Variants in GALNT17 observed in about 807,000 individuals in gnomAD.
GALNT17 encodes the protein UDP-GalNAc:polypeptide N-acetylgalactosaminyltransferase-like 3.
GALNT17 carries 29 observed loss-of-function variants against 63.7 expected under a neutral mutation model. The observed-to-expected ratio is 0.46, with a 90% CI of 0.34 to 0.62. The LOEUF is 0.62. GALNT17 is among the 20% of genes least tolerant of loss of function. The probability of loss-of-function intolerance (pLI) is 0.01; values close to 1 mark genes in which losing one functional copy is unlikely to be tolerated. For synonymous variants in GALNT17, 305 were observed against 318.3 expected, an observed-to-expected ratio of 0.96 and a Z score of 0.45; for missense variants, 603 against 799.6, an observed-to-expected ratio of 0.75 and a Z score of 2.97.
At chr7:71,173,020 T>G (rs1335106207) in intron 1 of GALNT17, among the ~76,000 whole-genome samples, 1 of 152,140 alleles carries the variant, frequency 6.6e-6, no homozygotes, top group Non-Finnish European at 1.5e-5. Flanking sequence ...CTCCTGTATA[T>G]TTATTGCTAT....
At chr7:71,327,460 C>T (rs1038246806) in intron 1 of GALNT17, among the ~76,000 whole-genome samples, 1 of 152,154 alleles carries the variant, frequency 6.6e-6, no homozygotes, top group African/African-American at 2.4e-5. Flanking sequence ...CCCCGTGATT[C>T]AGTTATCTCC....
chr7:71,305,620 A>G (rs2115905382), intron 1 of GALNT17, among the ~76,000 whole-genome samples: 1 of 152,226 alleles, frequency 6.6e-6, no homozygotes, highest in East Asian at 1.9e-4. Context: ...GTGTTATGAC[A>G]ACGGTGAGGG....
chr7:71,461,350 C>T (rs1787447718), intron 5 of GALNT17, among the ~76,000 whole-genome samples: 1 of 152,112 alleles, frequency 6.6e-6, no homozygotes, highest in African/African-American at 2.4e-5. Context: ...TAGGAAAGGG[C>T]CTTTCATTTC....
intron 6 of GALNT17, among the ~76,000 whole-genome samples, chr7:71,574,385 G>C (rs1472901693): frequency 2.0e-5 from 3 of 152,126 alleles, no homozygotes; most frequent in Non-Finnish European, 4.4e-5. Flanking sequence ...CTTTATTAAA[G>C]TGTCACTTGC....
chr7:71,420,821 G>C (rs1031312039), intron 4 of GALNT17, 87 bp from the exon 5 acceptor site: 15 of 1,509,496 alleles, frequency 9.9e-6, no homozygotes, highest in African/African-American at 4.1e-5. Context: ...GCCTTAAGTA[G>C]CTAAATGCTG....
chr7:71,253,383 G>A lies in GALNT17; in HGVS notation c.239-82167G>A, dbSNP rs146688759. 7.2e-5 allele frequency among the ~76,000 whole-genome samples: 11 copies of A among 152,274 alleles called. No homozygotes were observed. The East Asian group carries it at 2.1e-3, about 29-fold the overall frequency. On this transcript the variant is annotated intron_variant, in intron 1 of 10. Transcript: ENST00000333538. Reference sequence around the variant, plus strand: ...AGGCTTATTCACTACCATGAGAACAGTATGGGGGGAACTGCCCCCATGATT... The same window carrying A: ...AGGCTTATTCACTACCATGAGAACAATATGGGGGGAACTGCCCCCATGATT...
At chr7:71,549,614 A>G (rs1003414365) in intron 5 of GALNT17, among the ~76,000 whole-genome samples, 7 of 152,150 alleles carry the variant, frequency 4.6e-5, no homozygotes, top group African/African-American at 1.7e-4. Flanking sequence ...ATATATTACA[A>G]TATACATTAA....
At chr7:71,266,517 A>G (rs1354733768) in intron 1 of GALNT17, among the ~76,000 whole-genome samples, 1 of 152,122 alleles carries the variant, frequency 6.6e-6, no homozygotes, top group Non-Finnish European at 1.5e-5. Context: ...TTCTGCAGTC[A>G]TGCTTTCTGT....
chr7:71,588,437 C>A (rs964290813), intron 6 of GALNT17, among the ~76,000 whole-genome samples: 3 of 152,098 alleles, frequency 2.0e-5, no homozygotes, highest in Non-Finnish European at 4.4e-5. Context: ...AATTATTTGA[C>A]ATAATTTTCT....
intron 5 of GALNT17, among the ~76,000 whole-genome samples, chr7:71,467,296 A>G (rs905091918): frequency 3.3e-5 from 5 of 152,174 alleles, no homozygotes; most frequent in Non-Finnish European, 5.9e-5. Flanking sequence ...GCCAGGCCAC[A>G]TGTCTCTGTT....
chr7:71,263,698 C>A (rs776852188), intron 1 of GALNT17, among the ~76,000 whole-genome samples: 1 of 151,906 alleles, frequency 6.6e-6, no homozygotes, highest in Non-Finnish European at 1.5e-5. Context: ...CCAAGGCGGG[C>A]GGATCACTAG....
intron 9 of GALNT17, 28 bp from the exon 10 acceptor site, chr7:71,710,732 AT>A (rs1407222499): frequency 1.4e-5 from 22 of 1,609,410 alleles, no homozygotes; most frequent in Non-Finnish European, 1.9e-5. Flanking sequence ...TCCCACTTCC[AT>A]TCCCCTGCTG....
At chr7:71,674,839 G>A (rs1791124347) in intron 8 of GALNT17, among the ~76,000 whole-genome samples, 1 of 152,172 alleles carries the variant, frequency 6.6e-6, no homozygotes, top group African/African-American at 2.4e-5. Flanking sequence ...TAACGCTTAG[G>A]GAAGGAGTCA....
At chr7:71,303,566 A>G (rs1791238249) in intron 1 of GALNT17, among the ~76,000 whole-genome samples, 1 of 152,064 alleles carries the variant, frequency 6.6e-6, no homozygotes, top group Non-Finnish European at 1.5e-5. Context: ...CAAATACAAC[A>G]TTTTTCTGAC....
At chr7:71,332,301 A>T (rs796347646) in intron 1 of GALNT17, among the ~76,000 whole-genome samples, 8 of 152,154 alleles carry the variant, frequency 5.3e-5, no homozygotes, top group African/African-American at 1.9e-4. Context: ...GGGGAAAAAA[A>T]AAAATCCAGT....
chr7:71,510,130 A>G lies in GALNT17; in HGVS notation c.963-61155A>G, dbSNP rs549651271. Among the ~76,000 whole-genome samples, 15 of 152,074 alleles carry G rather than the reference A, an allele frequency of 9.9e-5. 3 individuals are homozygous for G. The highest frequency in any genetic ancestry group is 7.9e-4 in the Admixed American group (12 of 15,274). On this transcript the variant is annotated intron_variant, in intron 5 of 10. Coordinates refer to ENST00000333538, the MANE Select transcript of GALNT17 (RefSeq NM_022479.3). ...TGGCTAATGTTTTTTAATATTTTGT[A>G]GAGATGGGGCCTTGCTCTATTGCCC...
At chr7:71,235,776 G>T (rs1271870699) in intron 1 of GALNT17, among the ~76,000 whole-genome samples, 3 of 152,142 alleles carry the variant, frequency 2.0e-5, no homozygotes, top group Non-Finnish European at 4.4e-5. Context: ...TGAGGAAGGG[G>T]GTGCCCTTCT....
intron 1 of GALNT17, among the ~76,000 whole-genome samples, chr7:71,314,820 C>T (rs912358560): frequency 2.0e-5 from 3 of 151,978 alleles, no homozygotes; most frequent in African/African-American, 4.8e-5. Context: ...GTGGGAGGAT[C>T]GCTTGAGCCC....
intron 5 of GALNT17, among the ~76,000 whole-genome samples, chr7:71,440,438 G>A (rs1787045437): frequency 6.8e-6 from 1 of 146,442 alleles, no homozygotes; most frequent in Non-Finnish European, 1.5e-5. Context: ...GCAATGGCAC[G>A]ATCTCAGCTC....
Sources: allele counts gnomAD v4.1 joint callset (sites outside exome capture counted in the v4.1 genomes callset), GRCh38; gene constraint gnomAD v4.1.1; transcripts MANE v1.5; gene names NCBI Gene and HGNC (gene_info 2026-07-23, HGNC 2026-07-21).